SLC20A2: variants seen among roughly 807,000 people sequenced by gnomAD.
SLC20A2 encodes the protein sodium-dependent phosphate transporter 2.
In SLC20A2, 30 loss-of-function variants were observed where a neutral mutation model predicts 61.0. That is an observed-to-expected ratio of 0.49 (90% CI 0.37 to 0.67). The LOEUF (loss-of-function observed/expected upper bound fraction) is 0.67, where lower values mean the gene tolerates loss of function less well. Among genes scored for constraint, SLC20A2 ranks in the 30% least tolerant of loss-of-function variants. The pLI is 0.00. For missense variants in SLC20A2, 626 were observed against 866.4 expected, an observed-to-expected ratio of 0.72 and a Z score of 3.48; for synonymous variants, 351 against 353.3, an observed-to-expected ratio of 0.99 and a Z score of 0.07.
At chr8:42,466,465 G>A (rs1039929034) in intron 2 of SLC20A2, among the ~76,000 whole-genome samples, 1 of 152,096 alleles carries the variant, frequency 6.6e-6, no homozygotes, top group Non-Finnish European at 1.5e-5. Context: ...TGCTGTGTAT[G>A]AACTTGTTCT....
At chr8:42,418,020 T>C in intron 10 of SLC20A2, 53 bp from the exon 11 acceptor site, 1 of 1,488,818 alleles carries the variant, frequency 6.7e-7, no homozygotes, top group Non-Finnish European at 9.2e-7. Flanking sequence ...AAGGCTACAC[T>C]CTACCAATGT....
Position 42,417,850 on chromosome 8 carries a change from C to T in SLC20A2, c.1912G>A (p.Ala638Thr), listed in dbSNP as rs773007074. The T allele has an allele frequency of 8.1e-6, 13 of 1,614,008 alleles. No homozygotes were observed. Among genetic ancestry groups the T allele is most frequent in the African/African-American group, 4.0e-5 (3 of 74,906 alleles). ...VTVPVAGLFS[A>T]AVMALLMYGI... ...TACATGAGAAGAGCCATGACAGCAG[C>T]GCTGAACAGCCCAGCCACAGGGACG... The change falls in exon 11 of 11, where the codon GCT becomes ACT. Residue 638 changes from alanine to threonine, a missense_variant. Coordinates refer to ENST00000520262, the MANE Select transcript of SLC20A2 (RefSeq NM_001257180.2).
rs912235529 is a variant in SLC20A2, at chr8:42,522,456, G to A, written c.-265+19365C>T. 1.7e-3 allele frequency among the ~76,000 whole-genome samples: 204 copies of A among 120,670 alleles called. 40 individuals carry two copies. The East Asian group carries it at 0.03, about 18-fold the overall frequency. 79.2% of individuals were successfully genotyped at this position (120,670 alleles called of 152,430 possible). On this transcript the variant is annotated intron_variant, in intron 1 of 10. Coordinates refer to the SLC20A2 transcript ENST00000342228. ...ACCACTTTGGGGGGCCGAGGCGGGT[G>A]GATCACCTTAGGTCAGGAGTTCAAG...
At chr8:42,433,749 AT>A (rs1376754821) in intron 8 of SLC20A2, among the ~76,000 whole-genome samples, 2 of 152,212 alleles carry the variant, frequency 1.3e-5, no homozygotes, top group African/African-American at 4.8e-5. Context: ...ATTTGTTTCC[AT>A]TCACCTGGCA....
At position 42,521,448 on chromosome 8, in the gene SLC20A2, A is replaced by G. The variant is rs1473754850; in HGVS notation, c.-265+20373T>C. Among the ~76,000 whole-genome samples, 3 of 120,872 alleles carry G rather than the reference A, an allele frequency of 2.5e-5. 1 individual carries two copies. Among genetic ancestry groups the G allele is most frequent in the Non-Finnish European group, 6.0e-5 (3 of 50,266 alleles). 79.3% of individuals were successfully genotyped at this position (120,872 alleles called of 152,430 possible). ...TACCAGCAGTTAGGGGCTTGCTATA[A>G]AGGGGTAGCAAAGGGAAAGCCTTGG... is the stretch of plus-strand genomic sequence containing the variant. On this transcript the variant is annotated intron_variant, in intron 1 of 10. Transcript: ENST00000342228.
At chr8:42,435,402 C>T (rs569901256) in intron 8 of SLC20A2, among the ~76,000 whole-genome samples, 18 of 152,266 alleles carry the variant, frequency 1.2e-4, no homozygotes, top group South Asian at 4.2e-4. Context: ...GGACAGAAAC[C>T]GAGCGAGTGG....
At chr8:42,426,108 G>C (rs1333513460) in intron 10 of SLC20A2, among the ~76,000 whole-genome samples, 1 of 152,048 alleles carries the variant, frequency 6.6e-6, no homozygotes, top group African/African-American at 2.4e-5. Flanking sequence ...TATTCACTAA[G>C]GTCCTGTACA....
intron 6 of SLC20A2, among the ~76,000 whole-genome samples, chr8:42,443,882 G>C (rs138806384): frequency 1.8e-3 from 280 of 152,278 alleles, no homozygotes; most frequent in African/African-American, 6.5e-3. Flanking sequence ...AAAAATGCCA[G>C]CATGCAGAAT....
Position 42,428,751 on chromosome 8 carries a change from G to A in SLC20A2, c.1794+7C>T. ...TGGGGAAGGGCTCCCGGCTAGCAGG[G>A]GCCTACCTTACAGTGCGTGGTGCTG... On this transcript the variant is annotated splice_region_variant and intron_variant, in intron 10 of 10. Coordinates refer to ENST00000520262, the MANE Select transcript of SLC20A2 (RefSeq NM_001257180.2). 6.2e-7 allele frequency: 1 copy of A among 1,609,138 alleles called. No homozygotes were observed. The highest frequency in any genetic ancestry group is 8.5e-7 in the Non-Finnish European group (1 of 1,177,964).
rs141967793 is a variant in SLC20A2, at chr8:42,499,510, T to A, written c.-265+1521A>T. 5.6e-3 allele frequency among the ~76,000 whole-genome samples: 856 copies of A among 152,324 alleles called. 7 individuals carry two copies. The highest frequency in any genetic ancestry group is 9.9e-3 in the South Asian group (48 of 4,826). On this transcript the variant is annotated intron_variant, in intron 1 of 10. Transcript: ENST00000520262. ...TCATAAAGCACATGCTTCCTAGTAG[T>A]AGAAAAACCTACAGAAACGTCTGTG...
At chr8:42,461,924 C>T (rs1806732429) in intron 4 of SLC20A2, among the ~76,000 whole-genome samples, 1 of 152,154 alleles carries the variant, frequency 6.6e-6, no homozygotes, top group Non-Finnish European at 1.5e-5. Flanking sequence ...ACAGAAGTGG[C>T]CAGGGCAGTC....
intron 1 of SLC20A2, among the ~76,000 whole-genome samples, chr8:42,535,899 T>C (rs921962620): frequency 2.6e-5 from 4 of 152,202 alleles, no homozygotes; most frequent in African/African-American, 4.8e-5. Context: ...AGTTAAAGAA[T>C]AGATCACGTC....
At chr8:42,423,148 AT>A (rs1450648957) in intron 10 of SLC20A2, among the ~76,000 whole-genome samples, 1 of 152,134 alleles carries the variant, frequency 6.6e-6, no homozygotes, top group African/African-American at 2.4e-5. Context: ...AGACACACAC[AT>A]TTGGTTTTTA....
At chr8:42,481,223 C>A (rs1808528041) in intron 1 of SLC20A2, among the ~76,000 whole-genome samples, 1 of 152,144 alleles carries the variant, frequency 6.6e-6, no homozygotes, top group African/African-American at 2.4e-5. Context: ...ACATTAGGGT[C>A]TGAAGGGACT....
chr8:42,419,435 G>A (rs1302518813), intron 10 of SLC20A2, among the ~76,000 whole-genome samples: 1 of 152,080 alleles, frequency 6.6e-6, no homozygotes, highest in Admixed American at 6.6e-5. Context: ...GCCAGGTGTG[G>A]TGGTGCATAC....
chr8:42,503,769 A>T (rs138527382), upstream of SLC20A2, among the ~76,000 whole-genome samples: 27 of 152,346 alleles, frequency 1.8e-4, no homozygotes, highest in African/African-American at 6.0e-4. Flanking sequence ...GGAAAGCCAG[A>T]GTGTACAAAT....
At chr8:42,423,012 A>G (rs946399749) in intron 10 of SLC20A2, among the ~76,000 whole-genome samples, 1 of 152,086 alleles carries the variant, frequency 6.6e-6, no homozygotes, top group Non-Finnish European at 1.5e-5. Context: ...TGGACTTTTT[A>G]CAAAATCCTA....
At chr8:42,425,651 T>C (rs1803353499) in intron 10 of SLC20A2, among the ~76,000 whole-genome samples, 1 of 152,156 alleles carries the variant, frequency 6.6e-6, no homozygotes, top group Non-Finnish European at 1.5e-5. Flanking sequence ...TGACCTGTCT[T>C]GTCAATTTTA....
At chr8:42,440,780 T>C (rs1804712671) in intron 6 of SLC20A2, among the ~76,000 whole-genome samples, 6 of 152,182 alleles carry the variant, frequency 3.9e-5, no homozygotes, top group Admixed American at 3.9e-4. Context: ...AATTTAGTAC[T>C]GTCAGTATTT....
Sources: gnomAD v4.1 joint callset for allele counts (sites outside exome capture counted in the v4.1 genomes callset) on GRCh38, gnomAD v4.1.1 for gene constraint, MANE v1.5 for transcripts, NCBI Gene and HGNC (gene_info 2026-07-23, HGNC 2026-07-21) for gene names.